CPA6: variants seen among roughly 807,000 people sequenced by gnomAD.
The protein encoded by CPA6 is carboxypeptidase A6, also known as carboxypeptidase B.
Under a neutral mutation model 63.3 loss-of-function variants are expected in CPA6, and 58 were observed. The ratio of observed to expected loss-of-function variants is 0.92; its 90% CI spans 0.74 to 1.14. The LOEUF is 1.14. Among genes scored for constraint, CPA6 ranks in the 50% most tolerant of loss-of-function variants. The pLI is 0.00. For synonymous variants in CPA6, 185 were observed against 179.0 expected, an observed-to-expected ratio of 1.03 and a Z score of -0.27; for missense variants, 565 against 526.6, an observed-to-expected ratio of 1.07 and a Z score of -0.71.
chr8:67,678,611 G>A (rs1461543164), intron 1 of CPA6, among the ~76,000 whole-genome samples: 1 of 152,188 alleles, frequency 6.6e-6, no homozygotes, highest in African/African-American at 2.4e-5. Flanking sequence ...CAAATGAAAG[G>A]CAGATAATAC....
Position 67,511,535 on chromosome 8 carries a change from A to G in CPA6, c.432+6T>C. The G allele has an allele frequency of 2.0e-6, 3 of 1,496,788 alleles. No individual in the cohort carries two copies. The highest frequency in any genetic ancestry group is 2.8e-6 in the Non-Finnish European group (3 of 1,074,552). 92.7% of individuals were successfully genotyped at this position (1,496,788 alleles called of 1,614,324 possible). Reference sequence around the variant, plus strand: ...AAAACCAGAAAAAGCTCTTTTGATTACATACTTCTTCTAAGGAGTGATAAA... The same window carrying G: ...AAAACCAGAAAAAGCTCTTTTGATTGCATACTTCTTCTAAGGAGTGATAAA... On this transcript the variant is annotated splice_donor_region_variant and intron_variant, in intron 4 of 10. Transcript: ENST00000297770.
intron 8 of CPA6, among the ~76,000 whole-genome samples, chr8:67,441,299 TAGAA>T (rs1368393704): frequency 6.6e-6 from 1 of 152,230 alleles, no homozygotes; most frequent in Non-Finnish European, 1.5e-5. Flanking sequence ...GCCTGACTAT[TAGAA>T]AGAAAATGTT....
rs10684467 is a variant in CPA6, at chr8:67,742,128, T to TTGTG, written c.116+3882_116+3885dup. Among the ~76,000 whole-genome samples the TTGTG allele has an allele frequency of 8.0e-4, 121 of 150,674 alleles. 1 individual carries two copies. In the East Asian group the frequency reaches 9.8e-3, roughly 12 times the overall value. ...ATCACAGCTACTTTCTGTTCTACTT[T>TTGTG]TGTGTGTGTGTGTGTGCGCGTGTGT... is the stretch of plus-strand genomic sequence containing the variant. On this transcript the variant is annotated intron_variant, in intron 1 of 10. Coordinates refer to ENST00000297770, the MANE Select transcript of CPA6 (RefSeq NM_020361.5).
chr8:67,718,746 A>C (rs956471402), intron 1 of CPA6, among the ~76,000 whole-genome samples: 41 of 151,778 alleles, frequency 2.7e-4, no homozygotes, highest in African/African-American at 9.2e-4. Context: ...TCCCAGGTTC[A>C]AGTGATTCTC....
chr8:67,730,633 A>C (rs967978774), intron 1 of CPA6, among the ~76,000 whole-genome samples: 2 of 152,192 alleles, frequency 1.3e-5, no homozygotes, highest in Non-Finnish European at 2.9e-5. Context: ...AAGGCTATCC[A>C]GAAGCCCCCA....
At chr8:67,739,724 A>T (rs11998581) in intron 1 of CPA6, among the ~76,000 whole-genome samples, 4,691 of 152,306 alleles carry the variant, frequency 0.031, 131 homozygotes, top group African/African-American at 0.069. Flanking sequence ...CAAGATTTTG[A>T]TGATAGAGGC....
intron 8 of CPA6, among the ~76,000 whole-genome samples, chr8:67,442,587 A>G (rs1810317125): frequency 6.6e-6 from 1 of 152,224 alleles, no homozygotes; most frequent in Non-Finnish European, 1.5e-5. Context: ...AGTAAGGTTC[A>G]ACATAAAACG....
At chr8:67,609,139 G>T (rs1297280298) in intron 2 of CPA6, among the ~76,000 whole-genome samples, 1 of 152,164 alleles carries the variant, frequency 6.6e-6, no homozygotes, top group East Asian at 1.9e-4. Flanking sequence ...CTAAATGTTT[G>T]CAAGCATCAC....
intron 2 of CPA6, among the ~76,000 whole-genome samples, chr8:67,600,630 A>C (rs1438914318): frequency 6.6e-6 from 1 of 152,154 alleles, no homozygotes; most frequent in African/African-American, 2.4e-5. Context: ...TTGTCAATTA[A>C]AAATAATTTT....
intron 1 of CPA6, among the ~76,000 whole-genome samples, chr8:67,699,825 G>A (rs1161169415): frequency 6.6e-6 from 1 of 152,142 alleles, no homozygotes; most frequent in Non-Finnish European, 1.5e-5. Flanking sequence ...CTGACCTCAG[G>A]TGATCCACCT....
chr8:67,657,033 C>T (rs1447901109), intron 1 of CPA6, among the ~76,000 whole-genome samples: 1 of 152,208 alleles, frequency 6.6e-6, no homozygotes, highest in Non-Finnish European at 1.5e-5. Flanking sequence ...TCTCCCTACC[C>T]TTAATCTCTC....
At chr8:67,631,016 C>T (rs1815314932) in intron 1 of CPA6, among the ~76,000 whole-genome samples, 2 of 152,238 alleles carry the variant, frequency 1.3e-5, no homozygotes, top group Non-Finnish European at 2.9e-5. Context: ...TCCCCTACTC[C>T]TGCGTGGCCC....
intron 1 of CPA6, among the ~76,000 whole-genome samples, chr8:67,644,728 A>G (rs1440353366): frequency 2.0e-5 from 3 of 152,154 alleles, no homozygotes; most frequent in Non-Finnish European, 2.9e-5. Context: ...TGGCTTGCAC[A>G]TGTCAGGAGC....
At chr8:67,443,068 T>TC (rs1491565287) in intron 8 of CPA6, among the ~76,000 whole-genome samples, 1 of 84,564 alleles carries the variant, frequency 1.2e-5, no homozygotes, top group East Asian at 3.6e-4. Flanking sequence ...TAGCCTATTC[T>TC]TTTTTTTTTT....
chr8:67,529,377 G>A (rs1812430147), intron 2 of CPA6, among the ~76,000 whole-genome samples: 1 of 152,112 alleles, frequency 6.6e-6, no homozygotes, highest in East Asian at 1.9e-4. Flanking sequence ...GGATATCAAA[G>A]AAAAGCAAGT....
intron 8 of CPA6, among the ~76,000 whole-genome samples, chr8:67,462,218 CATCT>C (rs1810829602): frequency 6.9e-6 from 1 of 145,330 alleles, no homozygotes; most frequent in Non-Finnish European, 1.5e-5. Flanking sequence ...TTATTATATC[CATCT>C]GTGAAAAAAA....
At chr8:67,728,457 G>A (rs924347430) in intron 1 of CPA6, among the ~76,000 whole-genome samples, 6 of 151,918 alleles carry the variant, frequency 3.9e-5, no homozygotes, top group Non-Finnish European at 5.9e-5. Flanking sequence ...ATTTATAGCC[G>A]GCACAAAAGG....
chr8:67,428,082 A>G lies in CPA6; in HGVS notation c.1091T>C (p.Val364Ala), dbSNP rs201319195. The G allele has an allele frequency of 6.2e-7, 1 of 1,613,326 alleles. No homozygotes were observed. Among genetic ancestry groups the G allele is most frequent in the East Asian group, 2.2e-5 (1 of 44,860 alleles). The change falls in exon 10 of 11, where the codon GTA becomes GCA. Residue 364 changes from valine (V) to alanine (A), a missense_variant. Transcript: ENST00000297770. ...GGAGGCTGGTCCATATCTGTATCGT[A>G]CCCCGTATACTGACTGAAGTGCATT... ...AVNALQSVYG[V>A]RYRYGPASTT...
At chr8:67,579,153 G>T (rs1301325281) in intron 2 of CPA6, among the ~76,000 whole-genome samples, 135 of 152,370 alleles carry the variant, frequency 8.9e-4, no homozygotes, top group African/African-American at 3.0e-3. Context: ...GCTCACGCCT[G>T]TAATCCCAGC....
Sources: gnomAD v4.1 joint callset for allele counts (sites outside exome capture counted in the v4.1 genomes callset) on GRCh38, gnomAD v4.1.1 for gene constraint, MANE v1.5 for transcripts, NCBI Gene and HGNC (gene_info 2026-07-23, HGNC 2026-07-21) for gene names.